The following DDX46 variants were observed in gnomAD, a reference collection of about 807,000 sequenced individuals.
The protein encoded by DDX46 is DEAD-box helicase 46, also known as probable ATP-dependent RNA helicase DDX46.
A neutral mutation model predicts 134.9 loss-of-function variants in DDX46; 30 were observed. The observed-to-expected ratio is 0.22, with a 90% CI of 0.17 to 0.30. DDX46 has a LOEUF of 0.30. Ranked by LOEUF, DDX46 falls within the 10% of genes least tolerant of loss-of-function variation. The pLI is 1.00. For synonymous variants in DDX46, 415 were observed against 404.1 expected, an observed-to-expected ratio of 1.03 and a Z score of -0.32; for missense variants, 622 against 1,248.7, an observed-to-expected ratio of 0.50 and a Z score of 7.56.
At chr5:134,818,006 A>G (rs1421212038) in intron 20 of DDX46, among the ~76,000 whole-genome samples, 1 of 151,086 alleles carries the variant, frequency 6.6e-6, no homozygotes, top group Non-Finnish European at 1.5e-5. Context: ...CTGGGGTACA[A>G]TGGTGCGATC....
At chr5:134,802,367 G>T (rs1165944602) in intron 15 of DDX46, among the ~76,000 whole-genome samples, 1 of 151,638 alleles carries the variant, frequency 6.6e-6, no homozygotes, top group Non-Finnish European at 1.5e-5. Context: ...TCATCATGTT[G>T]GTCAGGCTGG....
At chr5:134,805,954 C>T (rs1754973576) in intron 15 of DDX46, among the ~76,000 whole-genome samples, 1 of 152,040 alleles carries the variant, frequency 6.6e-6, no homozygotes, top group South Asian at 2.1e-4. Context: ...CCTGGTGGCT[C>T]ATGCCTGTAA....
chr5:134,805,604 C>A (rs867795058), intron 15 of DDX46, among the ~76,000 whole-genome samples: 3 of 151,774 alleles, frequency 2.0e-5, no homozygotes, highest in Non-Finnish European at 4.4e-5. Flanking sequence ...TCTTGGCTCA[C>A]GGCAATTTCC....
chr5:134,813,163 TTGATCTCTTGACTTCG>T (rs1175334240), intron 18 of DDX46, among the ~76,000 whole-genome samples: 1 of 152,110 alleles, frequency 6.6e-6, no homozygotes, highest in Non-Finnish European at 1.5e-5. Context: ...CAGGATGATC[TTGATCTCTTGACTTCG>T]TGATCCGCCT....
intron 18 of DDX46, 143 bp downstream of exon 18, chr5:134,811,988 C>T (rs917790985): frequency 1.2e-6 from 1 of 840,368 alleles, no homozygotes; most frequent in African/African-American, 1.8e-5. Flanking sequence ...GAAAATCTGC[C>T]TACTACATAC....
At chr5:134,785,787 T>G (rs1285604746) in intron 11 of DDX46, among the ~76,000 whole-genome samples, 3 of 152,126 alleles carry the variant, frequency 2.0e-5, no homozygotes, top group Non-Finnish European at 4.4e-5. Context: ...TACAGCATGG[T>G]GACTAGTTAA....
At chr5:134,811,930 G>C in intron 18 of DDX46, 85 bp downstream of exon 18, 1 of 1,482,702 alleles carries the variant, frequency 6.7e-7, no homozygotes, top group Non-Finnish European at 9.0e-7. Context: ...TATCAAGATA[G>C]ACAATCACTG....
Position 134,811,797 on chromosome 5 carries a change from A to T in DDX46, c.2388A>T (p.Lys796Asn). The T allele has an allele frequency of 6.2e-7, 1 of 1,614,062 alleles. No individual in the cohort carries two copies. The highest frequency in any genetic ancestry group is 8.5e-7 in the Non-Finnish European group (1 of 1,179,998). ...CTAATGAGAGGAAGAAGTTACAAAA[A>T]GCAGCTCTTGGTCTACAAGATTCAG... ...ALANERKKLQ[K>N]AALGLQDSDD... The change falls in exon 18 of 23, where the codon AAA becomes AAT. Residue 796 changes from lysine to asparagine, a missense_variant. Transcript: ENST00000452510.
intron 18 of DDX46, among the ~76,000 whole-genome samples, chr5:134,813,561 G>A (rs1755206161): frequency 6.6e-6 from 1 of 152,200 alleles, no homozygotes; most frequent in Non-Finnish European, 1.5e-5. Context: ...AAGCTTTAGT[G>A]CTTTTTATGA....
At chr5:134,762,621 T>A (rs1753426164) in intron 1 of DDX46, among the ~76,000 whole-genome samples, 1 of 151,820 alleles carries the variant, frequency 6.6e-6, no homozygotes, top group Non-Finnish European at 1.5e-5. Context: ...TAATCCCAGC[T>A]GCTTGGGAGG....
Position 134,816,599 on chromosome 5 carries a change from C to A in DDX46, c.2606C>A (p.Ser869Tyr). The change falls in exon 19 of 23, where the codon TCT (serine) becomes TAT (tyrosine). Residue 869 changes from serine to tyrosine, a missense_variant. Physicochemically the swap from Ser to Tyr is moderately radical, Grantham distance 144. Transcript: ENST00000452510. ...GCCCAGAAGAATTTGGGCATCGAGT[C>A]TCAGGTATTAAGTAATTTGTTCCAA... ...INAQKNLGIE[S>Y]QVDVMQQATN... 2 of 1,612,662 alleles carry A rather than the reference C, an allele frequency of 1.2e-6. No individual in the cohort carries two copies. Among genetic ancestry groups the A allele is most frequent in the South Asian group, 2.2e-5 (2 of 90,770 alleles).
At chr5:134,781,813 T>C (rs1300146540) in intron 7 of DDX46, 108 bp from the exon 8 acceptor site, 9 of 1,066,644 alleles carry the variant, frequency 8.4e-6, no homozygotes, top group Middle Eastern at 2.9e-4. Flanking sequence ...AAGTAAAATA[T>C]TAGAGTAGTT....
Position 134,791,847 on chromosome 5 carries a change from G to A in DDX46, c.1626+1295G>A, listed in dbSNP as rs72800343. 1.8e-3 allele frequency among the ~76,000 whole-genome samples: 274 copies of A among 152,272 alleles called. 1 individual carries two copies. Among genetic ancestry groups the A allele is most frequent in the South Asian group, 5.4e-3 (26 of 4,832 alleles). ...AGGAACACAGAGGAAGCAGGATTAT[G>A]GTAATGCTTGAACCATATGCGAAAC... On this transcript the variant is annotated intron_variant, in intron 13 of 22. Transcript: ENST00000452510.
In DDX46 at chr5:134,789,597, T is replaced by C. The variant is rs1156324289; in HGVS notation, c.1544-873T>C. The stretch of plus-strand genomic sequence containing the variant: ...CTGATTAAATAATCCCTTTTTTTTT[T>C]TCTCAATGCTGCATTGATTAAGTCT... On this transcript the variant is annotated intron_variant, in intron 12 of 22. Transcript: ENST00000452510. Among the ~76,000 whole-genome samples the C allele has an allele frequency of 5.9e-5, 9 of 152,312 alleles. No individual in the cohort carries two copies. In the South Asian group the frequency reaches 1.4e-3, roughly 25 times the overall value.
At position 134,828,713 on chromosome 5, in the gene DDX46, G is replaced by A. The variant is rs757703019; in HGVS notation, c.*7G>A. ...AAGATACAAAGTCTTATAGACATCC[G>A]GAAAAAAGATTTTTACCTGTGCTGG... On this transcript the variant is annotated 3_prime_UTR_variant, in exon 23 of 23. Coordinates refer to ENST00000452510, the MANE Select transcript of DDX46 (RefSeq NM_001300860.2). The A allele has an allele frequency of 6.7e-6, 10 of 1,496,368 alleles. No homozygotes were observed. The highest frequency in any genetic ancestry group is 2.3e-5 in the Admixed American group (1 of 43,538). 92.7% of individuals were successfully genotyped at this position (1,496,368 alleles called of 1,614,324 possible).
intron 5 of DDX46, 36 bp downstream of exon 5, chr5:134,773,897 C>A: frequency 6.7e-7 from 1 of 1,503,154 alleles, no homozygotes; most frequent in Non-Finnish European, 8.9e-7. Context: ...TATAACACCT[C>A]ATGTAGAATA....
At position 134,807,814 on chromosome 5, in the gene DDX46, T is replaced by C; in HGVS notation, c.2021T>C (p.Val674Ala). The C allele has an allele frequency of 6.2e-7, 1 of 1,614,192 alleles. No homozygotes were observed. The highest frequency in any genetic ancestry group is 8.5e-7 in the Non-Finnish European group (1 of 1,180,034). ...DFKNGTCKLL[V>A]ATSVAARGLD... The stretch of plus-strand genomic sequence containing the variant: ...AAGAATGGGACCTGCAAACTTCTTG[T>C]GGCTACCTCTGTTGCTGCCCGAGGT... The change falls in exon 16 of 23, where the codon GTG (valine) becomes GCG (alanine). Residue 674 changes from valine to alanine, a missense_variant. Transcript: ENST00000452510.
chr5:134,785,003 C>T (rs1219824829), intron 10 of DDX46, among the ~76,000 whole-genome samples: 1 of 152,178 alleles, frequency 6.6e-6, no homozygotes, highest in Non-Finnish European at 1.5e-5. Context: ...GCAGAGATAA[C>T]TCTTGGAAAG....
chr5:134,799,033 T>A (rs1001813990), intron 15 of DDX46, among the ~76,000 whole-genome samples: 1 of 152,212 alleles, frequency 6.6e-6, no homozygotes, highest in Non-Finnish European at 1.5e-5. Context: ...TAGAGTTTTT[T>A]AAAGTTTCCG....
Sources: gnomAD v4.1 joint callset for allele counts (sites outside exome capture counted in the v4.1 genomes callset) on GRCh38, gnomAD v4.1.1 for gene constraint, MANE v1.5 for transcripts, NCBI Gene and HGNC (gene_info 2026-07-23, HGNC 2026-07-21) for gene names.